The following PDE1A variants were observed in gnomAD, a reference collection of about 807,000 sequenced individuals.
The protein encoded by PDE1A is dual specificity calcium/calmodulin-dependent 3',5'-cyclic nucleotide phosphodiesterase 1A.
Under a neutral mutation model 61.7 loss-of-function variants are expected in PDE1A, and 35 were observed. The observed-to-expected ratio is 0.57, with a 90% confidence interval of 0.43 to 0.75. PDE1A has a LOEUF of 0.75. Ranked by LOEUF, PDE1A falls within the 30% of genes least tolerant of loss-of-function variation. The probability of loss-of-function intolerance (pLI) is 0.00; values close to 1 mark genes in which losing one functional copy is unlikely to be tolerated. For synonymous variants in PDE1A, 232 were observed against 213.2 expected, an observed-to-expected ratio of 1.09 and a Z score of -0.77; for missense variants, 597 against 630.6, an observed-to-expected ratio of 0.95 and a Z score of 0.57.
the PDE1A span, among the ~76,000 whole-genome samples, chr2:182,698,935 G>A: frequency 2.0e-5 from 3 of 152,128 alleles, no homozygotes; most frequent in African/African-American, 2.4e-5. Context: ...AGTGCATTTG[G>A]CCCTGAGACC....
the PDE1A span, among the ~76,000 whole-genome samples, chr2:182,615,143 T>A: frequency 6.6e-6 from 1 of 152,236 alleles, no homozygotes; most frequent in Non-Finnish European, 1.5e-5. Context: ...GATTTGAGAA[T>A]GTGTGACATT....
intron 7 of PDE1A, among the ~76,000 whole-genome samples, chr2:182,212,243 CTA>C (rs74547026): frequency 0.39 from 58,236 of 149,614 alleles, 11,520 homozygotes; most frequent in East Asian, 0.63. Flanking sequence ...ATATATCTTT[CTA>C]TATATATATA....
chr2:182,629,941 G>A, the PDE1A span, among the ~76,000 whole-genome samples: 1 of 152,136 alleles, frequency 6.6e-6, no homozygotes, highest in Non-Finnish European at 1.5e-5. Flanking sequence ...GCCAGTGTGT[G>A]AGGTATATAA....
chr2:182,654,509 G>A, the PDE1A span, among the ~76,000 whole-genome samples: 4 of 152,112 alleles, frequency 2.6e-5, no homozygotes, highest in African/African-American at 9.7e-5. Flanking sequence ...ACTTTAACTA[G>A]GGATCATAGT....
At chr2:182,187,870 G>A (rs1399826791) in intron 11 of PDE1A, among the ~76,000 whole-genome samples, 2 of 148,014 alleles carry the variant, frequency 1.4e-5, no homozygotes, top group African/African-American at 2.5e-5. Flanking sequence ...TCGGCCTCCC[G>A]AGTAGCTGGG....
Position 182,495,857 on chromosome 2 carries a change from T to A in PDE1A, c.101+26419A>T, listed in dbSNP as rs553709667. On this transcript the variant is annotated intron_variant, in intron 2 of 14. Transcript: ENST00000410103. The stretch of plus-strand genomic sequence containing the variant: ...AAGAGCAAAAATATTTAAATCCCAC[T>A]CTATAGTCCAATGTCAGTATAATTT... 2.6e-5 allele frequency among the ~76,000 whole-genome samples: 4 copies of A among 152,330 alleles called. No individual in the cohort carries two copies. In the South Asian group the frequency reaches 8.3e-4, roughly 32 times the overall value.
intron 2 of PDE1A, among the ~76,000 whole-genome samples, chr2:182,440,060 G>A (rs1308197766): frequency 1.3e-5 from 2 of 152,026 alleles, no homozygotes; most frequent in African/African-American, 2.4e-5. Flanking sequence ...CGTAGAAAGG[G>A]TGACACTGCT....
chr2:182,688,656 A>C, the PDE1A span, among the ~76,000 whole-genome samples: 1 of 152,218 alleles, frequency 6.6e-6, no homozygotes, highest in African/African-American at 2.4e-5. Flanking sequence ...TCATAATGAC[A>C]GGATCAAATT....
the PDE1A span, among the ~76,000 whole-genome samples, chr2:182,669,916 G>A: frequency 0.45 from 68,593 of 152,098 alleles, 16,459 homozygotes; most frequent in South Asian, 0.53. Flanking sequence ...CTGAGCCCTC[G>A]GAGCATCCCA....
intron 6 of PDE1A, among the ~76,000 whole-genome samples, chr2:182,227,373 G>C (rs1240906904): frequency 6.6e-6 from 1 of 151,934 alleles, no homozygotes; most frequent in Non-Finnish European, 1.5e-5. Context: ...TATAAAGGGT[G>C]GGGAGAATTT....
chr2:182,160,453 T>G (rs1010979327), intron 13 of PDE1A, among the ~76,000 whole-genome samples: 3 of 152,148 alleles, frequency 2.0e-5, no homozygotes, highest in African/African-American at 7.2e-5. Flanking sequence ...ACATTCGTCT[T>G]GCTCAGCTTT....
At chr2:182,634,635 G>A in the PDE1A span, among the ~76,000 whole-genome samples, 2 of 152,056 alleles carry the variant, frequency 1.3e-5, no homozygotes, top group African/African-American at 4.8e-5. Context: ...TGTTACCCTC[G>A]CCTTGAAATG....
exon 15 of PDE1A, chr2:182,140,864 A>C (rs1690197802): frequency 8.7e-6 from 1 of 115,502 alleles, no homozygotes; most frequent in Non-Finnish European, 1.8e-5. Flanking sequence ...AAAAGAAAGA[A>C]AAGGAGGGAG....
At chr2:182,445,994 T>C (rs1685106041) in intron 2 of PDE1A, among the ~76,000 whole-genome samples, 1 of 152,222 alleles carries the variant, frequency 6.6e-6, no homozygotes, top group African/African-American at 2.4e-5. Flanking sequence ...GAATATTCAG[T>C]ATTTATCACT....
chr2:182,502,818 T>C (rs977848917), intron 2 of PDE1A, among the ~76,000 whole-genome samples: 1 of 151,264 alleles, frequency 6.6e-6, no homozygotes, highest in African/African-American at 2.4e-5. Flanking sequence ...ATTAAGTGAA[T>C]ACTTATATGT....
chr2:182,262,350 C>T (rs1326423499), intron 2 of PDE1A, among the ~76,000 whole-genome samples: 2 of 152,048 alleles, frequency 1.3e-5, no homozygotes, highest in African/African-American at 2.4e-5. Context: ...ACTGCAACCT[C>T]GGCCTCCCTG....
At chr2:182,254,783 C>T (rs534104290) in intron 2 of PDE1A, among the ~76,000 whole-genome samples, 46 of 152,258 alleles carry the variant, frequency 3.0e-4, no homozygotes, top group African/African-American at 1.1e-3. Context: ...GTGACACTAA[C>T]AGAAACATTT....
chr2:182,198,145 A>T (rs887680614), intron 10 of PDE1A, among the ~76,000 whole-genome samples: 1 of 151,060 alleles, frequency 6.6e-6, no homozygotes, highest in Non-Finnish European at 1.5e-5. Context: ...AAATTTTATT[A>T]TTTTATGCTG....
chr2:182,289,955 C>G (rs1340503749), intron 1 of PDE1A, among the ~76,000 whole-genome samples: 1 of 152,038 alleles, frequency 6.6e-6, no homozygotes, highest in Non-Finnish European at 1.5e-5. Flanking sequence ...ATAAACCCCA[C>G]AGTAGGTTTC....
Sources: gnomAD v4.1 joint callset for allele counts (sites outside exome capture counted in the v4.1 genomes callset) on GRCh38, gnomAD v4.1.1 for gene constraint, MANE v1.5 for transcripts, NCBI Gene and HGNC (gene_info 2026-07-23, HGNC 2026-07-21) for gene names.